GRID1: variants seen among roughly 807,000 people sequenced by gnomAD.
GRID1 encodes glutamate ionotropic receptor delta type subunit 1.
GRID1 carries 28 observed loss-of-function variants against 98.0 expected under a neutral mutation model. The observed-to-expected ratio is 0.29, with a 90% CI of 0.21 to 0.39. The LOEUF is 0.39. Ranked by LOEUF, GRID1 falls within the 10% of genes least tolerant of loss-of-function variation. The pLI, the probability that GRID1 is intolerant of heterozygous loss-of-function variation, is 1.00. For synonymous variants in GRID1, 553 were observed against 538.5 expected, an observed-to-expected ratio of 1.03 and a Z score of -0.37; for missense variants, 1,111 against 1,340.5, an observed-to-expected ratio of 0.83 and a Z score of 2.67.
intron 13 of GRID1, among the ~76,000 whole-genome samples, chr10:85,625,505 T>C (rs1424267999): frequency 6.6e-6 from 1 of 152,178 alleles, no homozygotes; most frequent in East Asian, 1.9e-4. Flanking sequence ...GCAGGAACTT[T>C]AGTGAAAGGA....
intron 2 of GRID1, among the ~76,000 whole-genome samples, chr10:86,261,384 C>T (rs561049701): frequency 9.3e-4 from 142 of 152,266 alleles, no homozygotes; most frequent in Non-Finnish European, 1.7e-3. Flanking sequence ...TAGTGAGGAT[C>T]GGATGTGAAA....
intron 5 of GRID1, among the ~76,000 whole-genome samples, chr10:85,912,468 T>C (rs1841552846): frequency 6.6e-6 from 1 of 152,120 alleles, no homozygotes; most frequent in South Asian, 2.1e-4. Flanking sequence ...AGAGGGTAGA[T>C]GTAAAGAAAG....
At chr10:86,328,515 T>A (rs1301807867) in intron 2 of GRID1, among the ~76,000 whole-genome samples, 1 of 152,212 alleles carries the variant, frequency 6.6e-6, no homozygotes, top group Non-Finnish European at 1.5e-5. Flanking sequence ...CATGGCTGGG[T>A]TCCTGGCAGC....
intron 8 of GRID1, among the ~76,000 whole-genome samples, chr10:85,732,604 C>T (rs906891671): frequency 1.3e-5 from 2 of 152,160 alleles, no homozygotes; most frequent in African/African-American, 2.4e-5. Flanking sequence ...CCAGGATGCA[C>T]CACCTCAGTC....
At chr10:86,059,185 T>C (rs989953836) in intron 4 of GRID1, among the ~76,000 whole-genome samples, 1 of 152,188 alleles carries the variant, frequency 6.6e-6, no homozygotes, top group Non-Finnish European at 1.5e-5. Context: ...AGGGAGCAGG[T>C]GCGGCTGGTC....
At chr10:85,985,817 C>T (rs1294980393) in intron 4 of GRID1, among the ~76,000 whole-genome samples, 1 of 152,176 alleles carries the variant, frequency 6.6e-6, no homozygotes, top group Admixed American at 6.5e-5. Context: ...GCCTGGCCCA[C>T]AGGGAGAGGC....
Position 86,270,229 on chromosome 10 carries a change from A to T in GRID1, c.236-63581T>A, listed in dbSNP as rs114743164. 4.3e-3 allele frequency among the ~76,000 whole-genome samples: 652 copies of T among 152,204 alleles called. 5 individuals are homozygous for T. The highest frequency in any genetic ancestry group is 0.015 in the African/African-American group (620 of 41,520). On this transcript the variant is annotated intron_variant, in intron 2 of 15. Coordinates refer to ENST00000327946, the MANE Select transcript of GRID1 (RefSeq NM_017551.3). Reference sequence around the variant, plus strand: ...GAGGGCAGGGGCTATGCATTGTTCCATTCAGTACCCACTGCAGCCTGGCAC... The same window carrying T: ...GAGGGCAGGGGCTATGCATTGTTCCTTTCAGTACCCACTGCAGCCTGGCAC...
At chr10:86,021,430 A>G (rs993482072) in intron 4 of GRID1, among the ~76,000 whole-genome samples, 1 of 151,944 alleles carries the variant, frequency 6.6e-6, no homozygotes, top group Non-Finnish European at 1.5e-5. Flanking sequence ...TATTGATGAC[A>G]CCCTGAGATG....
intron 4 of GRID1, among the ~76,000 whole-genome samples, chr10:86,037,169 C>T (rs1489837195): frequency 6.6e-6 from 1 of 152,138 alleles, no homozygotes; most frequent in Non-Finnish European, 1.5e-5. Flanking sequence ...CTTTGAGCAA[C>T]AAAGGTACTT....
chr10:86,094,984 A>T (rs1045419604), intron 4 of GRID1, among the ~76,000 whole-genome samples: 1 of 152,210 alleles, frequency 6.6e-6, no homozygotes, highest in African/African-American at 2.4e-5. Context: ...AATGGTACTG[A>T]TATAAAAATA....
chr10:86,137,710 G>A (rs1428245542), intron 4 of GRID1, among the ~76,000 whole-genome samples: 5 of 152,136 alleles, frequency 3.3e-5, no homozygotes, highest in Non-Finnish European at 4.4e-5. Flanking sequence ...GCCGGGAGCC[G>A]ACAGGACATC....
chr10:86,228,625 C>A (rs1218748425), intron 2 of GRID1, among the ~76,000 whole-genome samples: 2 of 151,808 alleles, frequency 1.3e-5, no homozygotes, highest in Non-Finnish European at 2.9e-5. Flanking sequence ...GCCTACTCCA[C>A]CAAGGCCAGC....
At chr10:85,793,545 G>T (rs1842499987) in intron 8 of GRID1, among the ~76,000 whole-genome samples, 2 of 152,290 alleles carry the variant, frequency 1.3e-5, no homozygotes, top group South Asian at 4.1e-4. Context: ...ATCCAGTTCT[G>T]CCCTTGGACC....
intron 5 of GRID1, among the ~76,000 whole-genome samples, chr10:85,878,186 A>G (rs1312334586): frequency 6.6e-6 from 1 of 152,238 alleles, no homozygotes; most frequent in African/African-American, 2.4e-5. Flanking sequence ...ACCAAGTTGG[A>G]AAACACCCTG....
Position 85,602,391 on chromosome 10 carries a change from G to A in GRID1, c.2912C>T (p.Pro971Leu). Residue 971 changes from proline (P) to leucine (L), a missense_variant, in exon 16 of 16, where the codon CCC becomes CTC. By Grantham distance (98) the Pro-to-Leu change is moderately conservative. Around this residue, in one of 3 missense-constraint regions of GRID1, gnomAD observed 762 missense variants for 869.1 expected, o/e 0.88. Coordinates refer to ENST00000327946, the MANE Select transcript of GRID1 (RefSeq NM_017551.3). ...MPSMQCKHRS[P>L]NGGLFRQSPV... ...GCTCTGCCGGAACAGCCCCCCGTTG[G>A]GTGACCTGTGTTTGCACTGCATGGA... 6.2e-7 allele frequency: 1 copy of A among 1,610,220 alleles called. No homozygotes were observed. Among genetic ancestry groups the A allele is most frequent in the Non-Finnish European group, 8.5e-7 (1 of 1,176,886 alleles).
intron 12 of GRID1, among the ~76,000 whole-genome samples, chr10:85,663,101 T>C (rs1201926798): frequency 6.6e-6 from 1 of 152,106 alleles, no homozygotes; most frequent in East Asian, 1.9e-4. Context: ...GTTCAAGACA[T>C]TTCCCCTGTG....
At chr10:86,113,582 T>A (rs141376853) in intron 4 of GRID1, among the ~76,000 whole-genome samples, 2 of 152,340 alleles carry the variant, frequency 1.3e-5, no homozygotes, top group African/African-American at 4.8e-5. Context: ...TTTTGCTTTT[T>A]TGCCTCTCCC....
At chr10:85,683,782 G>T (rs904853130) in intron 12 of GRID1, among the ~76,000 whole-genome samples, 3 of 152,150 alleles carry the variant, frequency 2.0e-5, no homozygotes, top group Non-Finnish European at 4.4e-5. Flanking sequence ...TCACTGTAGT[G>T]TTCTACCAAT....
At chr10:86,033,530 C>T (rs1304939843) in intron 4 of GRID1, among the ~76,000 whole-genome samples, 1 of 152,208 alleles carries the variant, frequency 6.6e-6, no homozygotes, top group Non-Finnish European at 1.5e-5. Context: ...GCAGGGAGAC[C>T]ACCTGAAGCC....
Sources: allele counts gnomAD v4.1 joint callset (sites outside exome capture counted in the v4.1 genomes callset), GRCh38; gene constraint gnomAD v4.1.1; regional missense constraint gnomAD v4.1.1; transcripts MANE v1.5; gene names NCBI Gene and HGNC (gene_info 2026-07-23, HGNC 2026-07-21).